PSMD2: variants seen among roughly 807,000 people sequenced by gnomAD.
The protein encoded by PSMD2 is proteasome 26S subunit ubiquitin receptor, non-ATPase 2, also known as 26S proteasome non-ATPase regulatory subunit 2.
PSMD2 carries 8 observed loss-of-function variants against 101.5 expected under a neutral mutation model. The observed-to-expected ratio is 0.08, with a 90% CI of 0.05 to 0.14. PSMD2 has a LOEUF of 0.14. PSMD2 is among the 10% of genes least tolerant of loss of function. The probability of loss-of-function intolerance (pLI) is 1.00; values close to 1 mark genes in which losing one functional copy is unlikely to be tolerated. For synonymous variants in PSMD2, 418 were observed against 433.8 expected (o/e 0.96, Z 0.45); for missense variants, 784 against 1,147.4 (o/e 0.68, Z 4.58).
chr3:184,304,482 G>A lies in PSMD2; in HGVS notation c.1539+91G>A, dbSNP rs1342189103. On this transcript the variant is annotated intron_variant, in intron 12 of 20. Transcript: ENST00000310118. This position sits in a 1 kb window ranked among gnomAD's most constrained non-coding sequence, Gnocchi z 4.1. ...TAAATAATGAAAAAGAAGTAAGTGT[G>A]TGCATGTGTGCATACATGTACATGC... 1.5e-5 allele frequency: 18 copies of A among 1,240,564 alleles called. No individual in the cohort carries two copies. Among genetic ancestry groups the A allele is most frequent in the East Asian group, 1.4e-4 (6 of 43,090 alleles). The allele number at this position is 1,240,564 out of a possible 1,614,324, so 76.8% of individuals were successfully genotyped here. A position where few individuals can be genotyped will look rare whatever the true frequency, so the allele number is the denominator to read the frequency against.
chr3:184,306,519 G>A, intron 15 of PSMD2, 24 bp downstream of exon 15: 1 of 1,606,804 alleles, frequency 6.2e-7, no homozygotes, highest in Non-Finnish European at 8.5e-7. Flanking sequence ...CTGGGCACTT[G>A]CAGAGAGGCT....
chr3:184,303,213 G>A (rs1447765048), intron 8 of PSMD2, 107 bp from the exon 9 acceptor site: 5 of 1,507,636 alleles, frequency 3.3e-6, no homozygotes, highest in Non-Finnish European at 4.6e-6. Flanking sequence ...ATAGGTAGAG[G>A]ATACTAAGGG....
At chr3:184,302,278 T>C in intron 5 of PSMD2, 92 bp from the exon 6 acceptor site, 1 of 1,358,136 alleles carries the variant, frequency 7.4e-7, no homozygotes, top group Non-Finnish European at 1.0e-6. Context: ...GTGTATATAG[T>C]AGATATTTAT....
In PSMD2 at chr3:184,306,323, C is replaced by T. The variant is rs562664043; in HGVS notation, c.1805-27C>T. The T allele has an allele frequency of 2.1e-5, 33 of 1,609,274 alleles. No individual in the cohort carries two copies. The African/African-American group carries it at 3.8e-4, about 18-fold the overall frequency. The stretch of plus-strand genomic sequence containing the variant: ...TTCCTTGGTAACTTCTCATTTCTGT[C>T]CATTCTCCCTCACCACCCTGACGCA... On this transcript the variant is annotated intron_variant, in intron 14 of 20. Transcript: ENST00000310118.
intron 2 of PSMD2, 109 bp from the exon 3 acceptor site, chr3:184,300,171 G>A: frequency 1.7e-6 from 2 of 1,193,478 alleles, no homozygotes; most frequent in Non-Finnish European, 2.4e-6. Flanking sequence ...ACAGATGAAT[G>A]AATAAGACAC....
At position 184,308,109 on chromosome 3, in the gene PSMD2, A is replaced by G; in HGVS notation, c.2425+93A>G. 2.7e-6 allele frequency: 4 copies of G among 1,505,136 alleles called. No homozygotes were observed. Among genetic ancestry groups the G allele is most frequent in the Non-Finnish European group, 3.6e-6 (4 of 1,110,318 alleles). 93.2% of individuals were successfully genotyped at this position (1,505,136 alleles called of 1,614,324 possible). Reference sequence around the variant, plus strand: ...TTTGATAATTTAGGTTCAAGACCCCAGTTTAGCTCTGTATCGCTCTAGGTT... The same window carrying G: ...TTTGATAATTTAGGTTCAAGACCCCGGTTTAGCTCTGTATCGCTCTAGGTT... On this transcript the variant is annotated intron_variant, in intron 19 of 20. Transcript: ENST00000310118. This position sits in a 1 kb window ranked among gnomAD's most constrained non-coding sequence, Gnocchi z 6.0.
rs761920819 is a variant in PSMD2, at chr3:184,307,944, C to T, written c.2353C>T (p.Arg785Trp). The T allele has an allele frequency of 6.8e-6, 11 of 1,613,984 alleles. No homozygotes were observed. Among genetic ancestry groups the T allele is most frequent in the South Asian group, 1.1e-5 (1 of 91,074 alleles). ...TLTLCPYHSD[R>W]QLMSQVAVAG... is the part of the protein sequence containing the mutation. ...TACCCTCTGCCCCTACCACAGCGACCGGCAGCTTATGAGCCAGGTGGCCGT... is the reference window on the plus strand; with the variant it reads ...TACCCTCTGCCCCTACCACAGCGACTGGCAGCTTATGAGCCAGGTGGCCGT... The change falls in exon 19 of 21, where the codon CGG becomes TGG. Residue 785 changes from arginine to tryptophan, a missense_variant. By Grantham distance (101) the Arg-to-Trp change is moderately radical. Transcript: ENST00000310118.
chr3:184,307,385 G>A lies in PSMD2; in HGVS notation c.2063G>A (p.Arg688Lys). ...LLRYGEPTLR[R>K]AVPLALALIS... Reference sequence around the variant, plus strand: ...AGATATGGGGAGCCTACACTCCGGAGGGCTGTACCTTTAGCACTGGCCCTC... The same window carrying A: ...AGATATGGGGAGCCTACACTCCGGAAGGCTGTACCTTTAGCACTGGCCCTC... The change falls in exon 17 of 21, where the codon AGG (arginine) becomes AAG (lysine). Residue 688 changes from arginine to lysine, a missense_variant. Physicochemically the swap from Arg to Lys is conservative, Grantham distance 26. Coordinates refer to ENST00000310118, the MANE Select transcript of PSMD2 (RefSeq NM_002808.5). 1.9e-6 allele frequency: 3 copies of A among 1,614,164 alleles called. No individual in the cohort carries two copies. Among genetic ancestry groups the A allele is most frequent in the Non-Finnish European group, 2.5e-6 (3 of 1,180,028 alleles).
Position 184,304,295 on chromosome 3 carries a change from C to G in PSMD2, c.1452-9C>G, listed in dbSNP as rs755631991. The G allele has an allele frequency of 1.2e-5, 20 of 1,614,064 alleles. No individual in the cohort carries two copies. The highest frequency in any genetic ancestry group is 1.7e-5 in the Non-Finnish European group (20 of 1,179,908). ...TGTGTTGGGGACCGCCTTTCCATGGCTTTTGCAGGCTAGGCTTGGCTTATG... is the reference window on the plus strand; with the variant it reads ...TGTGTTGGGGACCGCCTTTCCATGGGTTTTGCAGGCTAGGCTTGGCTTATG... On this transcript the variant is annotated splice_polypyrimidine_tract_variant and intron_variant, in intron 11 of 20. Transcript: ENST00000310118. The surrounding 1 kb of genome is among the most constrained non-coding windows in gnomAD (Gnocchi z 4.1).
intron 5 of PSMD2, 130 bp from the exon 6 acceptor site, chr3:184,302,240 G>A: frequency 1.7e-6 from 2 of 1,180,446 alleles, no homozygotes; most frequent in Non-Finnish European, 2.4e-6. Flanking sequence ...TGTCTTCTTA[G>A]TAGTTCTAAC....
rs1721587781 is a variant in PSMD2, at chr3:184,299,917, G to A, written c.192+10G>A. The A allele has an allele frequency of 1.2e-6, 2 of 1,611,756 alleles. No individual in the cohort carries two copies. Among genetic ancestry groups the A allele is most frequent in the Non-Finnish European group, 8.5e-7 (1 of 1,177,838 alleles). ...CGTGGAACGACTAGGGGTGAGTCACGATGTTAACATGATTCGGTGCATGTT... is the reference window on the plus strand; with the variant it reads ...CGTGGAACGACTAGGGGTGAGTCACAATGTTAACATGATTCGGTGCATGTT... On this transcript the variant is annotated intron_variant, in intron 2 of 20. Coordinates refer to ENST00000310118, the MANE Select transcript of PSMD2 (RefSeq NM_002808.5).
chr3:184,300,224 T>C (rs1240059594), intron 2 of PSMD2, 56 bp from the exon 3 acceptor site: 1 of 1,496,008 alleles, frequency 6.7e-7, no homozygotes, highest in Non-Finnish European at 9.2e-7. Context: ...ATCTCTGTAT[T>C]ATGACTTGAA....
At chr3:184,301,446 A>G (rs1721639600) in intron 3 of PSMD2, 91 bp from the exon 4 acceptor site, 11 of 1,489,220 alleles carry the variant, frequency 7.4e-6, no homozygotes, top group Admixed American at 1.7e-5. Context: ...TAGTTAGTTC[A>G]GTTTCGGAGA....
chr3:184,307,628 C>T lies in PSMD2; in HGVS notation c.2218C>T (p.Arg740Cys), dbSNP rs746478632. 6.2e-6 allele frequency: 10 copies of T among 1,613,956 alleles called. No individual in the cohort carries two copies. In the African/African-American group the frequency reaches 6.7e-5, roughly 11 times the overall value. Residue 740 changes from arginine to cysteine, a missense_variant, in exon 18 of 21, where the codon CGT becomes TGT. Physicochemically the swap from Arg to Cys is radical, Grantham distance 180. This residue lies in a region of PSMD2 where 282 missense variants were observed against 437.6 expected (regional missense o/e 0.64). Coordinates refer to ENST00000310118, the MANE Select transcript of PSMD2 (RefSeq NM_002808.5). The part of the protein sequence containing the change: ...GMVGSGTNNA[R>C]LAAMLRQLAQ... ...AACATTTCCAGGTACCAATAATGCC[C>T]GTCTGGCTGCAATGCTGCGCCAGTT...
Position 184,299,368 on chromosome 3 carries a change from G to C in PSMD2, c.102G>C (p.Arg34=). ...AGAAGCCGAGCGGCAAGGAGCGGCG[G>C]GATGCCGGGGACAAGGACAAAGAAC... ...TDEKPSGKER[R]DAGDKDKEQE... The change falls in exon 1 of 21, where the codon CGG becomes CGC. Residue 34 remains arginine (R), a synonymous_variant. Coordinates refer to ENST00000310118, the MANE Select transcript of PSMD2 (RefSeq NM_002808.5). 1 of 1,406,022 alleles carries C rather than the reference G, an allele frequency of 7.1e-7. No homozygotes were observed. The highest frequency in any genetic ancestry group is 9.2e-7 in the Non-Finnish European group (1 of 1,083,350). 87.1% of individuals were successfully genotyped at this position (1,406,022 alleles called of 1,614,324 possible).
intron 3 of PSMD2, 125 bp downstream of exon 3, chr3:184,300,569 TTCA>T (rs1276260643): frequency 1.4e-6 from 2 of 1,450,160 alleles, no homozygotes; most frequent in East Asian, 4.9e-5. Flanking sequence ...TTGAGCAGAG[TTCA>T]TCACAGTCAA....
intron 10 of PSMD2, 66 bp from the exon 11 acceptor site, chr3:184,303,881 A>G: frequency 1.2e-6 from 2 of 1,612,152 alleles, no homozygotes; most frequent in Non-Finnish European, 8.5e-7. Context: ...AGTGAGGCCC[A>G]TGTTGCATCC....
chr3:184,308,682 C>T lies in PSMD2; in HGVS notation c.2545-26C>T, dbSNP rs200325269. ...GTGGCTTGTCGCTACTTTTCCATCT[C>T]TCTTTTCAATTTTCTTACCCTACAG... On this transcript the variant is annotated intron_variant, in intron 20 of 20. Coordinates refer to ENST00000310118, the MANE Select transcript of PSMD2 (RefSeq NM_002808.5). The surrounding 1 kb of genome is among the most constrained non-coding windows in gnomAD (Gnocchi z 6.0). The T allele has an allele frequency of 1.2e-6, 2 of 1,604,034 alleles. No homozygotes were observed. Among genetic ancestry groups the T allele is most frequent in the East Asian group, 2.2e-5 (1 of 44,700 alleles).
Position 184,304,191 on chromosome 3 carries a change from G to T in PSMD2, c.1452-113G>T. On this transcript the variant is annotated intron_variant, in intron 11 of 20. Transcript: ENST00000310118. This position sits in a 1 kb window ranked among gnomAD's most constrained non-coding sequence, Gnocchi z 4.1. ...TACCACTGTGCCTATTGGGTATCTGGCTCTTGGTGAATGTTTGTTGAAATG... is the reference window on the plus strand; with the variant it reads ...TACCACTGTGCCTATTGGGTATCTGTCTCTTGGTGAATGTTTGTTGAAATG... 6.4e-7 allele frequency: 1 copy of T among 1,551,114 alleles called. No homozygotes were observed. The highest frequency in any genetic ancestry group is 8.9e-7 in the Non-Finnish European group (1 of 1,123,584).
Sources: gnomAD v4.1 joint callset for allele counts on GRCh38, gnomAD v4.1.1 for gene constraint, gnomAD v4.1.1 regional missense constraint, Gnocchi (gnomAD v3.1) non-coding constraint, MANE v1.5 for transcripts, NCBI Gene and HGNC (gene_info 2026-07-23, HGNC 2026-07-21) for gene names.